The following ADGRB3 variants were observed in gnomAD, a reference collection of about 807,000 sequenced individuals.
ADGRB3 encodes brain-specific angiogenesis inhibitor 3.
In ADGRB3, 37 loss-of-function variants were observed where a neutral mutation model predicts 193.4. That is an observed-to-expected ratio of 0.19 (90% confidence interval 0.15 to 0.25). The LOEUF (loss-of-function observed/expected upper bound fraction) is 0.25. Among genes scored for constraint, ADGRB3 ranks in the 10% least tolerant of loss-of-function variants. The probability of loss-of-function intolerance (pLI) is 1.00; values close to 1 mark genes in which losing one functional copy is unlikely to be tolerated. For missense variants in ADGRB3, 1,637 were observed against 1,852.9 expected (o/e 0.88, Z 2.14); for synonymous variants, 690 against 644.2 (o/e 1.07, Z -1.08).
At chr6:69,127,196 A>G (rs988902052) in intron 17 of ADGRB3, among the ~76,000 whole-genome samples, 3 of 152,224 alleles carry the variant, frequency 2.0e-5, no homozygotes, top group East Asian at 1.9e-4. Flanking sequence ...TCCTGGTTGC[A>G]GGACCCCTTG....
intron 3 of ADGRB3, among the ~76,000 whole-genome samples, chr6:68,858,327 A>AC (rs1167551632): frequency 6.6e-6 from 1 of 151,676 alleles, no homozygotes; most frequent in Admixed American, 6.6e-5. Flanking sequence ...ACATAGAGAA[A>AC]CCCCATCTCT....
intron 17 of ADGRB3, among the ~76,000 whole-genome samples, chr6:69,091,669 T>C (rs747579513): frequency 9.2e-5 from 14 of 151,978 alleles, no homozygotes; most frequent in Non-Finnish European, 1.5e-4. Flanking sequence ...GGGAAAGGAT[T>C]AAGAAAAACA....
chr6:69,328,447 T>A (rs1202525648), intron 22 of ADGRB3, among the ~76,000 whole-genome samples: 2 of 152,192 alleles, frequency 1.3e-5, no homozygotes, highest in African/African-American at 4.8e-5. Flanking sequence ...AGCTGATAAA[T>A]TCTGTGAGAG....
At chr6:69,024,810 C>T (rs1419294254) in intron 13 of ADGRB3, among the ~76,000 whole-genome samples, 4 of 152,096 alleles carry the variant, frequency 2.6e-5, no homozygotes, top group South Asian at 2.1e-4. Flanking sequence ...AATATTAAGG[C>T]GACCGGGCAC....
chr6:69,119,797 A>T (rs1600876), intron 17 of ADGRB3, among the ~76,000 whole-genome samples: 43,121 of 152,106 alleles, frequency 0.28, 8,153 homozygotes, highest in East Asian at 0.84. Context: ...TATTACAAAA[A>T]CTTGGAAATG....
At chr6:69,044,877 G>A (rs1756712168) in intron 13 of ADGRB3, among the ~76,000 whole-genome samples, 1 of 12,528 alleles carries the variant, frequency 8.0e-5, no homozygotes, top group Non-Finnish European at 1.4e-3. Flanking sequence ...CTGTAAGAAA[G>A]GCTTTTTTTC....
intron 12 of ADGRB3, among the ~76,000 whole-genome samples, chr6:69,014,372 T>A (rs3799009): frequency 0.13 from 19,561 of 151,850 alleles, 1,349 homozygotes; most frequent in Middle Eastern, 0.26. Flanking sequence ...AACCAATAAG[T>A]TCCTTTTTTT....
At chr6:68,850,328 A>T (rs1189524612) in intron 3 of ADGRB3, among the ~76,000 whole-genome samples, 4 of 151,890 alleles carry the variant, frequency 2.6e-5, no homozygotes, top group Non-Finnish European at 5.9e-5. Flanking sequence ...TTTTGATAGC[A>T]CCTATAGCCT....
rs185945522 is a variant in ADGRB3 at position 68,788,024 on chromosome 6, G to A, written c.758-142535G>A. Among the ~76,000 whole-genome samples, 738 of 151,988 alleles carry A rather than the reference G, an allele frequency of 4.9e-3. 5 individuals carry two copies. Among genetic ancestry groups the A allele is most frequent in the African/African-American group, 0.017 (694 of 41,460 alleles). ...TATCCCCTTTATCATTTTTTATTGC[G>A]TCTATTTGATTTTTCTCTCTTTTCT... On this transcript the variant is annotated intron_variant, in intron 3 of 31. Transcript: ENST00000370598.
At chr6:68,773,862 T>G (rs1003788495) in intron 3 of ADGRB3, among the ~76,000 whole-genome samples, 3 of 152,034 alleles carry the variant, frequency 2.0e-5, no homozygotes, top group Non-Finnish European at 4.4e-5. Flanking sequence ...AAAGGCTCCT[T>G]GAGAAGCTTA....
intron 16 of ADGRB3, among the ~76,000 whole-genome samples, chr6:69,074,429 G>A (rs1001511513): frequency 5.3e-5 from 8 of 151,738 alleles, no homozygotes; most frequent in African/African-American, 1.9e-4. Context: ...TCCAGTGATT[G>A]TCTATATGTA....
chr6:68,974,849 C>A lies in ADGRB3; in HGVS notation c.1612C>A (p.Pro538Thr). Reference protein sequence around the residue: ...PAGDLAFNQCPLNATGTTSRR... With the variant: ...PAGDLAFNQCTLNATGTTSRR... ...AGGCGACTTGGCATTCAATCAATGT[C>A]CCCTGAATGCCACAGGTACAGTAGG... The change falls in exon 9 of 32, where the codon CCC (proline) becomes ACC (threonine). Residue 538 changes from proline (P) to threonine (T), a missense_variant. Coordinates refer to ENST00000370598, the MANE Select transcript of ADGRB3 (RefSeq NM_001704.3). 1 of 1,613,468 alleles carries A rather than the reference C, an allele frequency of 6.2e-7. No individual in the cohort carries two copies. The highest frequency in any genetic ancestry group is 8.5e-7 in the Non-Finnish European group (1 of 1,179,508).
intron 3 of ADGRB3, among the ~76,000 whole-genome samples, chr6:68,877,845 C>T (rs374069758): frequency 3.3e-5 from 5 of 151,886 alleles, no homozygotes; most frequent in Admixed American, 6.6e-5. Flanking sequence ...AATAACTGAC[C>T]GATTAGTCTG....
chr6:68,643,438 CTTTT>C (rs765489730), intron 3 of ADGRB3, among the ~76,000 whole-genome samples: 19 of 65,026 alleles, frequency 2.9e-4, no homozygotes, highest in Admixed American at 1.6e-3. Flanking sequence ...CTTCATCTTC[CTTTT>C]TTTTTTTTTT....
In ADGRB3 at chr6:68,975,353, C is replaced by A. The variant is rs755457851; in HGVS notation, c.1734+13C>A. On this transcript the variant is annotated intron_variant, in intron 10 of 31. Transcript: ENST00000370598. ...CTTGCAGCATTCAGTAGGTGCAAAG[C>A]CAGCTTTAGTACTTGCTCTGTTTAT... 4 of 1,590,262 alleles carry A rather than the reference C, an allele frequency of 2.5e-6. No homozygotes were observed. The highest frequency in any genetic ancestry group is 1.1e-5 in the South Asian group (1 of 90,390).
chr6:69,307,257 C>T (rs1028438286), intron 20 of ADGRB3, among the ~76,000 whole-genome samples: 16 of 151,406 alleles, frequency 1.1e-4, no homozygotes, highest in Admixed American at 9.2e-4. Flanking sequence ...ATTAAAGAAC[C>T]AACCACATTG....
chr6:69,028,795 C>T (rs1262561088), intron 13 of ADGRB3, among the ~76,000 whole-genome samples: 1 of 152,104 alleles, frequency 6.6e-6, no homozygotes, highest in East Asian at 1.9e-4. Context: ...TTCTGAACTT[C>T]CTTCACAAGT....
intron 3 of ADGRB3, among the ~76,000 whole-genome samples, chr6:68,696,051 C>T (rs1020277343): frequency 6.6e-6 from 1 of 151,966 alleles, no homozygotes; most frequent in Non-Finnish European, 1.5e-5. Flanking sequence ...TCTCCCCTTC[C>T]TCCTCTCTGA....
In ADGRB3 at chr6:68,927,366, C is replaced by T. The variant is rs182865054; in HGVS notation, c.758-3193C>T. ...GAATTTATATTATTCAGAAAGCCTA[C>T]TATGCTAAAAGTTTACCTCAACCCA... On this transcript the variant is annotated intron_variant, in intron 3 of 31. Coordinates refer to ENST00000370598, the MANE Select transcript of ADGRB3 (RefSeq NM_001704.3). 7.3e-4 allele frequency among the ~76,000 whole-genome samples: 111 copies of T among 152,190 alleles called. 2 individuals are homozygous for T. Among genetic ancestry groups the T allele is most frequent in the Admixed American group, 1.4e-3 (22 of 15,270 alleles).
Sources: gnomAD v4.1 joint callset for allele counts (sites outside exome capture counted in the v4.1 genomes callset) on GRCh38, gnomAD v4.1.1 for gene constraint, MANE v1.5 for transcripts, NCBI Gene and HGNC (gene_info 2026-07-23, HGNC 2026-07-21) for gene names.